The following CLPB variants were observed in gnomAD, a reference collection of about 807,000 sequenced individuals.
CLPB encodes the protein mitochondrial disaggregase.
CLPB carries 40 observed loss-of-function variants against 78.4 expected under a neutral mutation model. The observed-to-expected ratio is 0.51, with a 90% CI of 0.40 to 0.66. The LOEUF (loss-of-function observed/expected upper bound fraction) is 0.66, where lower values mean the gene tolerates loss of function less well. CLPB is among the 30% of genes least tolerant of loss of function. The probability of loss-of-function intolerance (pLI) is 0.00; values close to 1 mark genes in which losing one functional copy is unlikely to be tolerated. For synonymous variants in CLPB, 333 were observed against 348.0 expected (o/e 0.96, Z 0.48); for missense variants, 780 against 886.9 (o/e 0.88, Z 1.53).
chr11:72,422,092 C>T (rs565357600), intron 2 of CLPB, among the ~76,000 whole-genome samples: 1 of 151,618 alleles, frequency 6.6e-6, no homozygotes, highest in Non-Finnish European at 1.5e-5. Flanking sequence ...ATGGTGAAAC[C>T]CCACCTCTAC....
At chr11:72,356,010 G>A (rs1025987624) in intron 5 of CLPB, among the ~76,000 whole-genome samples, 5 of 152,126 alleles carry the variant, frequency 3.3e-5, no homozygotes, top group African/African-American at 7.2e-5. Context: ...GGCTGGGCGC[G>A]GTAGCTCATG....
At chr11:72,428,291 T>C (rs1289256802) in intron 2 of CLPB, among the ~76,000 whole-genome samples, 1 of 152,186 alleles carries the variant, frequency 6.6e-6, no homozygotes, top group African/African-American at 2.4e-5. Flanking sequence ...CCCTCAGCCT[T>C]TTCCCAATGC....
intron 4 of CLPB, chr11:72,359,233 T>C (rs1172822599): frequency 2.9e-6 from 2 of 684,512 alleles, no homozygotes; most frequent in Non-Finnish European, 2.7e-6. Context: ...TTAGGATTCA[T>C]CCTGGGGACA....
intron 4 of CLPB, chr11:72,372,900 ATAT>A: frequency 1.9e-6 from 3 of 1,598,710 alleles, no homozygotes; most frequent in Non-Finnish European, 2.6e-6. Flanking sequence ...AGGGGGAGAA[ATAT>A]TATACAGAGC....
intron 2 of CLPB, among the ~76,000 whole-genome samples, chr11:72,424,523 G>A (rs796528201): frequency 1.5e-4 from 23 of 152,184 alleles, no homozygotes; most frequent in African/African-American, 5.1e-4. Flanking sequence ...TTGGGAGGCC[G>A]AGGTGGGCAG....
intron 4 of CLPB, among the ~76,000 whole-genome samples, chr11:72,370,321 A>G (rs2135648905): frequency 6.6e-6 from 1 of 151,552 alleles, no homozygotes; most frequent in South Asian, 2.1e-4. Flanking sequence ...GGACACAGAC[A>G]CACACACACA....
At chr11:72,304,557 T>C (rs1949713798) in intron 9 of CLPB, among the ~76,000 whole-genome samples, 1 of 152,120 alleles carries the variant, frequency 6.6e-6, no homozygotes, top group South Asian at 2.1e-4. Flanking sequence ...TTAGCTCTAG[T>C]AAGGAAAGTT....
chr11:72,373,352 C>G (rs1258450994), intron 4 of CLPB, among the ~76,000 whole-genome samples: 1 of 152,172 alleles, frequency 6.6e-6, no homozygotes, highest in Non-Finnish European at 1.5e-5. Flanking sequence ...AGCGGCAACC[C>G]CGGCTGGGCG....
chr11:72,324,157 G>A (rs1248211366), intron 6 of CLPB, among the ~76,000 whole-genome samples: 1 of 151,880 alleles, frequency 6.6e-6, no homozygotes, highest in Non-Finnish European at 1.5e-5. Context: ...AGGCTTTTGG[G>A]GTGCTTCTAA....
rs751918724 is a variant in CLPB at position 72,403,055 on chromosome 11, A to T, written c.456-3T>A. The T allele has an allele frequency of 2.5e-6, 4 of 1,612,626 alleles. No homozygotes were observed. In the Admixed American group the frequency reaches 6.7e-5, roughly 27 times the overall value. On this transcript the variant is annotated splice_polypyrimidine_tract_variant and splice_region_variant and intron_variant, in intron 2 of 15. Transcript: ENST00000538039. Reference sequence around the variant, plus strand: ...CATCTGCACCTTCTGACAACAGCCTAAAACAAGACAGAGGAATATTTTCAG... The same window carrying T: ...CATCTGCACCTTCTGACAACAGCCTTAAACAAGACAGAGGAATATTTTCAG...
chr11:72,302,296 T>C lies in CLPB; in HGVS notation c.1167+8A>G, dbSNP rs1949671164. 6.2e-7 allele frequency: 1 copy of C among 1,614,020 alleles called. No homozygotes were observed. Among genetic ancestry groups the C allele is most frequent in the Non-Finnish European group, 8.5e-7 (1 of 1,179,896 alleles). On this transcript the variant is annotated splice_region_variant and intron_variant, in intron 10 of 15. Transcript: ENST00000538039. Reference sequence around the variant, plus strand: ...ACCATGCTTCAATCAAGGACTGTCATCACTCACCTCGTGTCGCTCCTGGAA... The same window carrying C: ...ACCATGCTTCAATCAAGGACTGTCACCACTCACCTCGTGTCGCTCCTGGAA...
chr11:72,367,365 T>C (rs1950963767), intron 4 of CLPB, among the ~76,000 whole-genome samples: 1 of 152,336 alleles, frequency 6.6e-6, no homozygotes, highest in African/African-American at 2.4e-5. Context: ...GGTTTCGCCA[T>C]GTTGGCCAGG....
chr11:72,429,117 G>A (rs939941954), intron 2 of CLPB: 47 of 152,322 alleles, frequency 3.1e-4, no homozygotes, highest in African/African-American at 1.1e-3. Flanking sequence ...CTGGAGGAAT[G>A]AAGATGCCAC....
At chr11:72,296,724 T>G (rs1028501968) in intron 11 of CLPB, among the ~76,000 whole-genome samples, 3 of 152,178 alleles carry the variant, frequency 2.0e-5, no homozygotes, top group Admixed American at 1.3e-4. Context: ...AAGTGGCTCC[T>G]TGACAACAGA....
At chr11:72,406,145 A>C (rs1855702603) in intron 2 of CLPB, among the ~76,000 whole-genome samples, 1 of 152,194 alleles carries the variant, frequency 6.6e-6, no homozygotes, top group Non-Finnish European at 1.5e-5. Context: ...AATGGGGATA[A>C]GAAGACCAGT....
At chr11:72,409,598 A>G (rs1159983106) in intron 2 of CLPB, among the ~76,000 whole-genome samples, 1 of 152,132 alleles carries the variant, frequency 6.6e-6, no homozygotes, top group Non-Finnish European at 1.5e-5. Flanking sequence ...ACAAAAAAAA[A>G]GTCCAGAGTT....
chr11:72,377,610 G>A (rs1854749473), intron 4 of CLPB, among the ~76,000 whole-genome samples: 2 of 46,710 alleles, frequency 4.3e-5, no homozygotes, highest in Non-Finnish European at 4.5e-5. Context: ...GGTTGACCAG[G>A]AAAAAGAAAA....
chr11:72,394,459 C>G (rs1220516614), intron 3 of CLPB, among the ~76,000 whole-genome samples: 1 of 152,200 alleles, frequency 6.6e-6, no homozygotes, highest in African/African-American at 2.4e-5. Flanking sequence ...CTATCCCCAA[C>G]TGCCACTCTC....
chr11:72,398,240 C>A (rs1373866374), intron 3 of CLPB, among the ~76,000 whole-genome samples: 1 of 152,190 alleles, frequency 6.6e-6, no homozygotes, highest in Non-Finnish European at 1.5e-5. Context: ...GCAAACAGGC[C>A]TGGCAGGCCC....
Sources: gnomAD v4.1 joint callset for allele counts (sites outside exome capture counted in the v4.1 genomes callset) on GRCh38, gnomAD v4.1.1 for gene constraint, MANE v1.5 for transcripts, NCBI Gene and HGNC (gene_info 2026-07-23, HGNC 2026-07-21) for gene names.